The following RNF208 variants were observed in gnomAD, a reference collection of about 807,000 sequenced individuals.
RNF208 encodes the protein ring finger protein 208.
In RNF208, 7 loss-of-function variants were observed where a neutral mutation model predicts 15.2. The observed-to-expected ratio is 0.46, with a 90% CI of 0.26 to 0.86. RNF208 has a LOEUF of 0.86. Ranked by LOEUF, RNF208 falls within the 40% of genes least tolerant of loss-of-function variation. The pLI is 0.16. For missense variants in RNF208, 342 were observed against 364.1 expected (o/e 0.94, Z 0.49); for synonymous variants, 211 against 163.2 (o/e 1.29, Z -2.23).
chr9:137,220,520 G>A lies in RNF208; in HGVS notation c.693C>T (p.Pro231=), dbSNP rs766535084. The part of the protein sequence containing the change: ...APSGGQWGAE[P]EGSCYQTFRQ... Reference sequence around the variant, plus strand: ...GGAAGGTCTGGTAGCAGCTGCCCTCGGGCTCAGCCCCCCACTGACCCCCGG... The same window carrying A: ...GGAAGGTCTGGTAGCAGCTGCCCTCAGGCTCAGCCCCCCACTGACCCCCGG... The change falls in exon 2 of 2, where the codon CCC becomes CCT. Residue 231 remains proline (P), a synonymous_variant. Coordinates refer to ENST00000391553, the MANE Select transcript of RNF208 (RefSeq NM_031297.7). 1.1e-5 allele frequency: 18 copies of A among 1,602,558 alleles called. No individual in the cohort carries two copies. The highest frequency in any genetic ancestry group is 4.0e-5 in the African/African-American group (3 of 74,820).
At chr9:137,222,417 C>T (rs1011086045), upstream of RNF208, among the ~76,000 whole-genome samples, 3 of 151,950 alleles carry the variant, frequency 2.0e-5, no homozygotes, top group African/African-American at 7.2e-5. Context: ...ACCCCCGCGT[C>T]GCCCCCAGTT....
Position 137,221,109 on chromosome 9 carries a change from A to G in RNF208, c.104T>C (p.Ile35Thr), listed in dbSNP as rs764238930. The change falls in exon 2 of 2, where the codon ATT becomes ACT. Residue 35 changes from isoleucine to threonine, a missense_variant. Ile to Thr is a moderately conservative substitution (Grantham distance 89). Coordinates refer to ENST00000391553, the MANE Select transcript of RNF208 (RefSeq NM_031297.7). Reference protein sequence around the residue: ...HVILKMEAMKIVHPEKFPELP... With the variant: ...HVILKMEAMKTVHPEKFPELP... Reference sequence around the variant, plus strand: ...CTCAGGGAACTTTTCAGGGTGGACAATCTTCATGGCCTCCATCTTGAGGAT... The same window carrying G: ...CTCAGGGAACTTTTCAGGGTGGACAGTCTTCATGGCCTCCATCTTGAGGAT... 7 of 1,605,816 alleles carry G rather than the reference A, an allele frequency of 4.4e-6. No individual in the cohort carries two copies. The South Asian group carries it at 4.4e-5, about 10-fold the overall frequency.
chr9:137,221,997 G>T lies in RNF208; in HGVS notation c.-535C>A, dbSNP rs1835878261. On this transcript the variant is annotated 5_prime_UTR_variant, in exon 1 of 2. It adds an upstream start codon to the 5' untranslated region. Coordinates refer to ENST00000391553, the MANE Select transcript of RNF208 (RefSeq NM_031297.7). ...CCGCCCCCTGCGCTCACCTGCCCCA[G>T]CCTGGCGTCCCGGCCGCGCGCCGCC... Among the ~76,000 whole-genome samples the T allele has an allele frequency of 6.6e-6, 1 of 151,260 alleles. No individual in the cohort carries two copies.
rs1306413151 is a variant in RNF208 at position 137,220,841 on chromosome 9, C to T, written c.372G>A (p.Arg124=). 24 of 1,605,962 alleles carry T rather than the reference C, an allele frequency of 1.5e-5. No individual in the cohort carries two copies. Among genetic ancestry groups the T allele is most frequent in the Non-Finnish European group, 2.0e-5 (23 of 1,176,304 alleles). Reference sequence around the variant, plus strand: ...AAGCCGCCGAGGCCGAGGGGCCAGGCCGAATCACGTACTGATTCACAATGA... The same window carrying T: ...AAGCCGCCGAGGCCGAGGGGCCAGGTCGAATCACGTACTGATTCACAATGA... ...DEVIVNQYVI[R]PGPSASAASS... The change falls in exon 2 of 2, where the codon CGG becomes CGA. Residue 124 remains arginine, a synonymous_variant. Coordinates refer to ENST00000391553, the MANE Select transcript of RNF208 (RefSeq NM_031297.7).
upstream of RNF208, among the ~76,000 whole-genome samples, chr9:137,222,636 G>A (rs1835889191): frequency 1.3e-5 from 2 of 152,226 alleles, no homozygotes; most frequent in South Asian, 4.1e-4. Flanking sequence ...GGAAGGCCCC[G>A]AGTCCTCCAG....
rs775294370 is a variant in RNF208 at position 137,220,478 on chromosome 9, G to A, written c.735C>T (p.Ala245=). The change falls in exon 2 of 2, where the codon GCC becomes GCT. Residue 245 remains alanine (A), a synonymous_variant. Coordinates refer to ENST00000391553, the MANE Select transcript of RNF208 (RefSeq NM_031297.7). ...CYQTFRQYCG[A]ACTCHVRNPL... ...GGTTCCGCACGTGGCAGGTGCACGC[G>A]GCCCCACAGTACTGCCGGAAGGTCT... The A allele has an allele frequency of 3.8e-6, 6 of 1,599,158 alleles. No individual in the cohort carries two copies. Among genetic ancestry groups the A allele is most frequent in the East Asian group, 4.5e-5 (2 of 44,182 alleles).
chr9:137,222,240 T>C lies in RNF208; in HGVS notation c.-778A>G, dbSNP rs1204553605. On this transcript the variant is annotated 5_prime_UTR_variant, in exon 1 of 2. Coordinates refer to ENST00000391553, the MANE Select transcript of RNF208 (RefSeq NM_031297.7). Reference sequence around the variant, plus strand: ...GGTGCGTGCGGAGCGTGGCGCGCTCTGCGGCGGAGGCGCGGGGACCGCAGT... The same window carrying C: ...GGTGCGTGCGGAGCGTGGCGCGCTCCGCGGCGGAGGCGCGGGGACCGCAGT... Among the ~76,000 whole-genome samples the C allele has an allele frequency of 6.9e-6, 1 of 145,886 alleles. No individual in the cohort carries two copies. The highest frequency in any genetic ancestry group is 1.5e-5 in the Non-Finnish European group (1 of 65,734).
upstream of RNF208, among the ~76,000 whole-genome samples, chr9:137,222,446 G>T (rs1393377239): frequency 3.9e-5 from 6 of 151,932 alleles, no homozygotes; most frequent in Non-Finnish European, 7.4e-5. Context: ...GCTGATCCTG[G>T]GTCCTGGTCA....
At chr9:137,221,931 C>A (rs1024292074) in intron 1 of RNF208, among the ~76,000 whole-genome samples, 58 bp downstream of exon 1, 1 of 152,054 alleles carries the variant, frequency 6.6e-6, no homozygotes, top group Non-Finnish European at 1.5e-5. Flanking sequence ...GAGGGCCGAC[C>A]CCCGTCGCGT....
In RNF208 at chr9:137,220,789, C is replaced by T. The variant is rs1283262907; in HGVS notation, c.424G>A (p.Glu142Lys). 3 of 1,609,946 alleles carry T rather than the reference C, an allele frequency of 1.9e-6. No individual in the cohort carries two copies. The highest frequency in any genetic ancestry group is 2.5e-6 in the Non-Finnish European group (3 of 1,178,610). Residue 142 changes from glutamate (E) to lysine (K), a missense_variant, in exon 2 of 2, where the codon GAG (glutamate) becomes AAG (lysine). By Grantham distance (56) the Glu-to-Lys change is moderately conservative. Transcript: ENST00000391553. ...TAGGAGTGCCCACAGGTGGGGCACT[C>T]CAGGGGCTCGCCTGCCGCCGCCGAA... ...ASSAAAGEPL[E>K]CPTCGHSYNV...
In RNF208 at chr9:137,221,068, AG is replaced by A; in HGVS notation, c.144del (p.Cys49AlafsTer70). ...PEKFPELPAA[P>X]CFPPAPRPTP... ...GTGGGCCGGGGAGCAGGCGGGAAGC[AG>A]GGGGCAGCCGGTAGCTCAGGGAACT... On this transcript the variant is annotated frameshift_variant, in exon 2 of 2. Transcript: ENST00000391553. LOFTEE classifies it high-confidence loss of function. 6.2e-7 allele frequency: 1 copy of A among 1,603,470 alleles called. No individual in the cohort carries two copies. The highest frequency in any genetic ancestry group is 8.5e-7 in the Non-Finnish European group (1 of 1,175,784).
In RNF208 at chr9:137,221,143, G is replaced by T; in HGVS notation, c.70C>A (p.Pro24Thr). The T allele has an allele frequency of 6.3e-7, 1 of 1,588,970 alleles. No individual in the cohort carries two copies. The stretch of plus-strand genomic sequence containing the variant: ...GCCTCCATCTTGAGGATGACATGGG[G>T]ACCCTTCAGGCAGGACATGAGGAGG... Reference protein sequence around the residue: ...PGLLMSCLKGPHVILKMEAMK... With the variant: ...PGLLMSCLKGTHVILKMEAMK... The change falls in exon 2 of 2, where the codon CCC (proline) becomes ACC (threonine). Residue 24 changes from proline (P) to threonine (T), a missense_variant. By Grantham distance (38) the Pro-to-Thr change is conservative. Coordinates refer to ENST00000391553, the MANE Select transcript of RNF208 (RefSeq NM_031297.7).
rs1417759842 is a variant in RNF208, at chr9:137,221,071, G to A, written c.142C>T (p.Pro48Ser). The A allele has an allele frequency of 2.5e-6, 4 of 1,604,164 alleles. No individual in the cohort carries two copies. Among genetic ancestry groups the A allele is most frequent in the Non-Finnish European group, 3.4e-6 (4 of 1,176,134 alleles). The part of the protein sequence containing the change: ...PEKFPELPAA[P>S]CFPPAPRPTP... ...GGCCGGGGAGCAGGCGGGAAGCAGG[G>A]GGCAGCCGGTAGCTCAGGGAACTTT... Residue 48 changes from proline to serine, a missense_variant, in exon 2 of 2, where the codon CCC becomes TCC. Around this residue, in one of 3 missense-constraint regions of RNF208, gnomAD observed 207 missense variants for 193.7 expected, o/e 1.07. Coordinates refer to ENST00000391553, the MANE Select transcript of RNF208 (RefSeq NM_031297.7).
Position 137,220,338 on chromosome 9 carries a change from G to A in RNF208, c.*89C>T. 7.3e-7 allele frequency: 1 copy of A among 1,370,510 alleles called. No individual in the cohort carries two copies. The highest frequency in any genetic ancestry group is 9.7e-7 in the Non-Finnish European group (1 of 1,030,112). The allele number at this position is 1,370,510 out of a possible 1,614,324, so 84.9% of individuals were successfully genotyped here. Reference sequence around the variant, plus strand: ...TGGGGCCGGAAGCCATGGTGGGGAAGGAAGGGTCAGCGGGCGGCAGGGCAG... The same window carrying A: ...TGGGGCCGGAAGCCATGGTGGGGAAAGAAGGGTCAGCGGGCGGCAGGGCAG... On this transcript the variant is annotated 3_prime_UTR_variant, in exon 2 of 2. Coordinates refer to ENST00000391553, the MANE Select transcript of RNF208 (RefSeq NM_031297.7).
intron 1 of RNF208, among the ~76,000 whole-genome samples, 104 bp from the exon 2 acceptor site, chr9:137,221,842 C>G (rs1835875860): frequency 6.6e-6 from 1 of 152,002 alleles, no homozygotes; most frequent in African/African-American, 2.4e-5. Context: ...TGACCTCAGC[C>G]GTGGGATCCC....
In RNF208 at chr9:137,220,974, C is replaced by A. The variant is rs947003393; in HGVS notation, c.239G>T (p.Gly80Val). Reference sequence around the variant, plus strand: ...TGCCCCTTCCAAGGCAGGCATGTCCCCCCCACAGGCCTGGTTGACAATGAT... The same window carrying A: ...TGCCCCTTCCAAGGCAGGCATGTCCACCCCACAGGCCTGGTTGACAATGAT... ...TEIIVNQACG[G>V]DMPALEGAPH... is the part of the protein sequence containing the mutation. The change falls in exon 2 of 2, where the codon GGG (glycine) becomes GTG (valine). Residue 80 changes from glycine (G) to valine (V), a missense_variant. Gly to Val is a moderately radical substitution (Grantham distance 109). Around this residue, in one of 3 missense-constraint regions of RNF208, gnomAD observed 207 missense variants for 193.7 expected, o/e 1.07. Coordinates refer to ENST00000391553, the MANE Select transcript of RNF208 (RefSeq NM_031297.7). The A allele has an allele frequency of 6.5e-7, 1 of 1,549,976 alleles. No homozygotes were observed. The highest frequency in any genetic ancestry group is 8.7e-7 in the Non-Finnish European group (1 of 1,143,810).
At chr9:137,222,522 C>G (rs1450464987), upstream of RNF208, among the ~76,000 whole-genome samples, 1 of 152,148 alleles carries the variant, frequency 6.6e-6, no homozygotes, top group Non-Finnish European at 1.5e-5. Context: ...TAGGAGGCCT[C>G]AGGACTCTGG....
upstream of RNF208, among the ~76,000 whole-genome samples, chr9:137,222,570 G>T (rs914168567): frequency 6.6e-6 from 1 of 152,164 alleles, no homozygotes; most frequent in African/African-American, 2.4e-5. Context: ...GATCCCAGGG[G>T]AGCTGGTTCC....
chr9:137,223,176 C>T (rs1468446453), upstream of RNF208, among the ~76,000 whole-genome samples: 1 of 152,234 alleles, frequency 6.6e-6, no homozygotes, highest in Non-Finnish European at 1.5e-5. Flanking sequence ...GCTGGAGGAG[C>T]AGCCCTGCGC....
Sources: gnomAD v4.1 joint callset for allele counts (sites outside exome capture counted in the v4.1 genomes callset) on GRCh38, gnomAD v4.1.1 for gene constraint, gnomAD v4.1.1 regional missense constraint, MANE v1.5 for transcripts, NCBI Gene and HGNC (gene_info 2026-07-23, HGNC 2026-07-21) for gene names.